Variants in GMDS observed in about 807,000 individuals in gnomAD.
GMDS encodes GDP-mannose 4,6 dehydratase.
A neutral mutation model predicts 49.9 loss-of-function variants in GMDS; 20 were observed. The ratio of observed to expected loss-of-function variants is 0.40; its 90% CI spans 0.28 to 0.58. The LOEUF is 0.58. Among genes scored for constraint, GMDS ranks in the 20% least tolerant of loss-of-function variants. The probability of loss-of-function intolerance (pLI) is 0.42; values close to 1 mark genes in which losing one functional copy is unlikely to be tolerated. For missense variants in GMDS, 362 were observed against 481.4 expected, an observed-to-expected ratio of 0.75 and a Z score of 2.32; for synonymous variants, 177 against 178.6, an observed-to-expected ratio of 0.99 and a Z score of 0.07.
At chr6:1,953,151 C>T (rs997910782) in intron 6 of GMDS, among the ~76,000 whole-genome samples, 6 of 152,206 alleles carry the variant, frequency 3.9e-5, no homozygotes, top group African/African-American at 1.2e-4. Context: ...GGCCTGCCAA[C>T]AGCCGGCAGC....
At chr6:1,751,309 C>G (rs1767721101) in intron 7 of GMDS, among the ~76,000 whole-genome samples, 1 of 152,188 alleles carries the variant, frequency 6.6e-6, no homozygotes, top group African/African-American at 2.4e-5. Context: ...TGACAGACAC[C>G]TCACACAGGA....
At chr6:1,921,470 C>T (rs527342543) in intron 7 of GMDS, among the ~76,000 whole-genome samples, 4 of 152,226 alleles carry the variant, frequency 2.6e-5, no homozygotes, top group African/African-American at 9.6e-5. Flanking sequence ...ATAAAACAGG[C>T]AATTGATTTT....
intron 9 of GMDS, among the ~76,000 whole-genome samples, chr6:1,724,636 G>A (rs570510996): frequency 2.0e-5 from 3 of 152,344 alleles, no homozygotes; most frequent in East Asian, 3.9e-4. Context: ...ATACAGAAAA[G>A]CATTTGCATA....
chr6:1,968,107 C>T (rs1764370513), intron 4 of GMDS, among the ~76,000 whole-genome samples: 1 of 152,136 alleles, frequency 6.6e-6, no homozygotes, highest in African/African-American at 2.4e-5. Context: ...TTTTACCCCT[C>T]CAAACTCATT....
intron 4 of GMDS, among the ~76,000 whole-genome samples, chr6:2,114,547 G>A (rs1449904775): frequency 1.3e-5 from 2 of 152,280 alleles, no homozygotes; most frequent in African/African-American, 2.4e-5. Context: ...GTAACCTAAA[G>A]ACCCTGATAC....
At chr6:1,776,142 T>C (rs7745811) in intron 7 of GMDS, among the ~76,000 whole-genome samples, 69,093 of 151,506 alleles carry the variant, frequency 0.46, 16,848 homozygotes, top group African/African-American at 0.63. Flanking sequence ...GAATCCGGAG[T>C]TGACTATACA....
chr6:2,071,558 A>G (rs1292466786), intron 4 of GMDS, among the ~76,000 whole-genome samples: 1 of 152,190 alleles, frequency 6.6e-6, no homozygotes, highest in Non-Finnish European at 1.5e-5. Flanking sequence ...CAAGAACAAC[A>G]AAGTAAAGAC....
intron 7 of GMDS, among the ~76,000 whole-genome samples, chr6:1,805,597 G>T (rs762360151): frequency 2.0e-5 from 3 of 152,210 alleles, no homozygotes; most frequent in Admixed American, 6.5e-5. Flanking sequence ...TACTGAAGCA[G>T]TTAAGAGAAC....
chr6:2,084,066 G>A (rs996938363), intron 4 of GMDS, among the ~76,000 whole-genome samples: 44 of 152,078 alleles, frequency 2.9e-4, no homozygotes, highest in African/African-American at 8.0e-4. Flanking sequence ...GCAAAATACC[G>A]TGCTACACTT....
At chr6:1,733,800 C>T (rs563138047) in intron 8 of GMDS, among the ~76,000 whole-genome samples, 3 of 151,864 alleles carry the variant, frequency 2.0e-5, no homozygotes, top group East Asian at 3.9e-4. Flanking sequence ...TGCGGTGAGC[C>T]GAGATCGTGC....
chr6:1,824,164 G>A (rs75233405), intron 7 of GMDS, among the ~76,000 whole-genome samples: 10 of 152,168 alleles, frequency 6.6e-5, no homozygotes, highest in East Asian at 3.9e-4. Flanking sequence ...CCTTTAGCCC[G>A]GGACCCTTGA....
chr6:1,825,315 T>C (rs1333560369), intron 7 of GMDS, among the ~76,000 whole-genome samples: 1 of 152,226 alleles, frequency 6.6e-6, no homozygotes, highest in African/African-American at 2.4e-5. Flanking sequence ...AGCATATATT[T>C]TCTTACCTCT....
At chr6:1,743,067 T>A (rs1469496212) in intron 7 of GMDS, among the ~76,000 whole-genome samples, 2 of 152,226 alleles carry the variant, frequency 1.3e-5, no homozygotes, top group Non-Finnish European at 2.9e-5. Context: ...AGAACTTAAT[T>A]TTTGAACAAT....
At chr6:2,237,988 T>C (rs1249986709) in intron 1 of GMDS, among the ~76,000 whole-genome samples, 1 of 152,178 alleles carries the variant, frequency 6.6e-6, no homozygotes, top group Non-Finnish European at 1.5e-5. Flanking sequence ...CAGAAAGTTC[T>C]GGGAGACAGG....
intron 4 of GMDS, among the ~76,000 whole-genome samples, chr6:2,068,666 A>C (rs1420789996): frequency 6.6e-6 from 1 of 152,180 alleles, no homozygotes; most frequent in Non-Finnish European, 1.5e-5. Flanking sequence ...CCCATTCACA[A>C]TTGCTTCAAA....
rs531363755 is a variant in GMDS at position 2,071,823 on chromosome 6, G to T, written c.345+43948C>A. Among the ~76,000 whole-genome samples, 3 of 152,292 alleles carry T rather than the reference G, an allele frequency of 2.0e-5. No homozygotes were observed. In the South Asian group the frequency reaches 6.2e-4, roughly 32 times the overall value. ...AAGACTGAATACCAATTCCAAGACG[G>T]TCCAAGCTCGAGCTGCTTATGCCAA... On this transcript the variant is annotated intron_variant, in intron 4 of 10. Transcript: ENST00000380815.
In GMDS at chr6:1,778,305, A is replaced by C. The variant is rs560641024; in HGVS notation, c.772-35719T>G. 2.0e-5 allele frequency among the ~76,000 whole-genome samples: 3 copies of C among 152,322 alleles called. No homozygotes were observed. The highest frequency in any genetic ancestry group is 2.0e-4 in the Admixed American group (3 of 15,302). On this transcript the variant is annotated intron_variant, in intron 7 of 10. Coordinates refer to ENST00000380815, the MANE Select transcript of GMDS (RefSeq NM_001500.4). The surrounding 1 kb of genome is among the most constrained non-coding windows in gnomAD (Gnocchi z 4.6). ...CCCTAGGTCAAAAGAGCAAATGCAA[A>C]AGTGACAATGTGGATAATTGCCTGT... is the stretch of plus-strand genomic sequence containing the variant.
At chr6:1,863,916 T>A (rs1204778590) in intron 7 of GMDS, among the ~76,000 whole-genome samples, 5 of 152,138 alleles carry the variant, frequency 3.3e-5, no homozygotes, top group Non-Finnish European at 5.9e-5. Flanking sequence ...TATTTTCTAA[T>A]GTGTCATTTA....
At chr6:1,863,358 G>A (rs1363184213) in intron 7 of GMDS, among the ~76,000 whole-genome samples, 1 of 152,104 alleles carries the variant, frequency 6.6e-6, no homozygotes, top group Non-Finnish European at 1.5e-5. Flanking sequence ...GTACATATTT[G>A]TGTTTAAGAA....
Sources: gnomAD v4.1 joint callset for allele counts (sites outside exome capture counted in the v4.1 genomes callset) on GRCh38, gnomAD v4.1.1 for gene constraint, Gnocchi (gnomAD v3.1) non-coding constraint, MANE v1.5 for transcripts, NCBI Gene and HGNC (gene_info 2026-07-23, HGNC 2026-07-21) for gene names.